The following PCSK6 variants were observed in gnomAD, a reference collection of about 807,000 sequenced individuals.
PCSK6 encodes paired basic amino acid cleaving enzyme 4.
A neutral mutation model predicts 123.3 loss-of-function variants in PCSK6; 85 were observed. The observed-to-expected ratio is 0.69, with a 90% CI of 0.58 to 0.83. PCSK6 has a LOEUF of 0.83. PCSK6 is among the 40% of genes least tolerant of loss of function. The pLI is 0.00. For missense variants in PCSK6, 1,191 were observed against 1,282.3 expected (o/e 0.93, Z 1.09); for synonymous variants, 508 against 516.0 (o/e 0.98, Z 0.21).
chr15:101,363,828 T>C (rs765721453), intron 13 of PCSK6, among the ~76,000 whole-genome samples: 10 of 151,198 alleles, frequency 6.6e-5, no homozygotes, highest in Non-Finnish European at 1.3e-4. Context: ...TTAGTAGAGA[T>C]GGGGTTTCAC....
intron 20 of PCSK6, chr15:101,308,571 G>T (rs2039776906): frequency 1.3e-5 from 2 of 152,202 alleles, no homozygotes; most frequent in Admixed American, 1.3e-4. Flanking sequence ...TCAAGCCCTT[G>T]GTCTGTAATT....
chr15:101,320,813 G>A (rs1008361037), intron 18 of PCSK6, among the ~76,000 whole-genome samples: 1 of 152,194 alleles, frequency 6.6e-6, no homozygotes, highest in African/African-American at 2.4e-5. Flanking sequence ...GGCAATAAAC[G>A]GAAGCTCTCT....
intron 1 of PCSK6, among the ~76,000 whole-genome samples, chr15:101,479,625 T>C (rs1023832893): frequency 6.6e-6 from 1 of 152,180 alleles, no homozygotes; most frequent in African/African-American, 2.4e-5. Flanking sequence ...GACATCTGGT[T>C]TCCCATCTGG....
intron 6 of PCSK6, among the ~76,000 whole-genome samples, chr15:101,417,423 A>C (rs2055926555): frequency 6.6e-6 from 1 of 152,228 alleles, no homozygotes; most frequent in South Asian, 2.1e-4. Flanking sequence ...AAAAGGCAGA[A>C]AATATACAGA....
chr15:101,378,208 T>A (rs1050758577), intron 11 of PCSK6, among the ~76,000 whole-genome samples: 1 of 152,250 alleles, frequency 6.6e-6, no homozygotes, highest in Non-Finnish European at 1.5e-5. Flanking sequence ...GATTTTAAAA[T>A]CATTTTGCAC....
chr15:101,364,965 C>T lies in PCSK6; in HGVS notation c.1858+1231G>A, dbSNP rs116852656. On this transcript the variant is annotated intron_variant, in intron 13 of 21. Transcript: ENST00000611716. ...ACTGACTCCAAGATAGATATACAGACCAATGGAACAGAATCGAGAGTGTGG... is the reference window on the plus strand; with the variant it reads ...ACTGACTCCAAGATAGATATACAGATCAATGGAACAGAATCGAGAGTGTGG... 2,351 of 776,922 alleles carry T rather than the reference C, an allele frequency of 3.0e-3. 14 individuals are homozygous for T. Among genetic ancestry groups the T allele is most frequent in the Middle Eastern group, 0.013 (58 of 4,430 alleles). The allele number at this position is 776,922 out of a possible 1,614,324, so 48.1% of individuals were successfully genotyped here.
chr15:101,483,165 C>A (rs760651478), intron 1 of PCSK6, among the ~76,000 whole-genome samples: 2 of 152,236 alleles, frequency 1.3e-5, no homozygotes, highest in African/African-American at 2.4e-5. Context: ...TCCCAGAGAA[C>A]TAGGTCACAG....
chr15:101,378,544 A>G (rs2041817638), intron 11 of PCSK6, among the ~76,000 whole-genome samples: 1 of 152,216 alleles, frequency 6.6e-6, no homozygotes, highest in Non-Finnish European at 1.5e-5. Context: ...AGACATCAAT[A>G]CCTCAGTTCT....
In PCSK6 at chr15:101,485,154, C is replaced by T. The variant is rs547133894; in HGVS notation, c.297+4220G>A. 1.4e-3 allele frequency among the ~76,000 whole-genome samples: 213 copies of T among 152,286 alleles called. 1 individual carries two copies. Among genetic ancestry groups the T allele is most frequent in the African/African-American group, 5.0e-3 (207 of 41,530 alleles). On this transcript the variant is annotated intron_variant, in intron 1 of 21. Coordinates refer to ENST00000611716, the MANE Select transcript of PCSK6 (RefSeq NM_002570.5). ...GGTGTGAAATGGTATCTCATCGTTG[C>T]CTAAATTGCAGTGCTCCAATAACCC...
At chr15:101,389,655 T>G in intron 8 of PCSK6, 91 bp from the exon 9 acceptor site, 1 of 959,688 alleles carries the variant, frequency 1.0e-6, no homozygotes. Flanking sequence ...TGCCACTAAC[T>G]GGCAAGCGTG....
At chr15:101,452,693 CA>C (rs1256656770) in intron 1 of PCSK6, among the ~76,000 whole-genome samples, 3 of 152,132 alleles carry the variant, frequency 2.0e-5, no homozygotes, top group Non-Finnish European at 2.9e-5. Flanking sequence ...TCAGTCCAGG[CA>C]GATAACCAGG....
chr15:101,353,021 G>A (rs1319509460), intron 13 of PCSK6, among the ~76,000 whole-genome samples: 1 of 152,222 alleles, frequency 6.6e-6, no homozygotes, highest in Non-Finnish European at 1.5e-5. Context: ...TGGGGATCCG[G>A]TGGGGAGCAG....
In PCSK6 at chr15:101,408,597, G is replaced by C. The variant is rs150740972; in HGVS notation, c.824-10021C>G. ...AGGGGCCTTGGATGTGTTGGGGGAGGTGAGGGACGAGGAAGTGGGGAACAC... is the reference window on the plus strand; with the variant it reads ...AGGGGCCTTGGATGTGTTGGGGGAGCTGAGGGACGAGGAAGTGGGGAACAC... On this transcript the variant is annotated intron_variant, in intron 6 of 21. Coordinates refer to ENST00000611716, the MANE Select transcript of PCSK6 (RefSeq NM_002570.5). 6.2e-3 allele frequency among the ~76,000 whole-genome samples: 938 copies of C among 152,352 alleles called. 6 individuals carry two copies. Among genetic ancestry groups the C allele is most frequent in the South Asian group, 0.026 (125 of 4,826 alleles).
rs576625176 is a variant in PCSK6 at position 101,445,646 on chromosome 15, G to A, written c.298-1986C>T. ...TTATTTAGCTACGGAGGCAATCACC[G>A]AGTCTCAACTTGCCGCAGTGTTTAA... is the stretch of plus-strand genomic sequence containing the variant. On this transcript the variant is annotated intron_variant, in intron 1 of 21. Transcript: ENST00000611716. 3.9e-5 allele frequency among the ~76,000 whole-genome samples: 6 copies of A among 152,306 alleles called. No homozygotes were observed. In the East Asian group the frequency reaches 7.7e-4, roughly 20 times the overall value.
chr15:101,356,469 G>A (rs1048579936), intron 13 of PCSK6, among the ~76,000 whole-genome samples: 1 of 144,292 alleles, frequency 6.9e-6, no homozygotes, highest in East Asian at 2.0e-4. Context: ...AGACCAGCCC[G>A]GCCAACATGG....
intron 2 of PCSK6, among the ~76,000 whole-genome samples, chr15:101,439,800 C>A (rs1050777943): frequency 5.9e-5 from 9 of 152,252 alleles, no homozygotes; most frequent in African/African-American, 2.2e-4. Flanking sequence ...CTGGTCCTTG[C>A]AATCATTTTG....
chr15:101,370,478 G>A lies in PCSK6; in HGVS notation c.1578C>T (p.Ser526=), dbSNP rs190254740. The A allele has an allele frequency of 1.2e-4, 181 of 1,544,572 alleles. 1 individual carries two copies. In the Admixed American group the frequency reaches 1.4e-3, roughly 12 times the overall value. ...VQVLRTTALT[S]ACAEHSDQRV... ...GCTGGTCCGAGTGCTCCGCGCAGGC[G>A]CTGGTCAGGGCCGTAGTCCGCAGCA... The change falls in exon 12 of 22, where the codon AGC becomes AGT. Residue 526 remains serine, a synonymous_variant. Coordinates refer to ENST00000611716, the MANE Select transcript of PCSK6 (RefSeq NM_002570.5).
chr15:101,323,731 G>GGA (rs2040185888), intron 17 of PCSK6, among the ~76,000 whole-genome samples: 1 of 128,266 alleles, frequency 7.8e-6, no homozygotes, highest in East Asian at 2.3e-4. Flanking sequence ...ACTCCATCTC[G>GGA]AAAAAAAAAA....
intron 20 of PCSK6, among the ~76,000 whole-genome samples, chr15:101,310,438 G>A (rs2039829593): frequency 6.6e-6 from 1 of 152,252 alleles, no homozygotes; most frequent in South Asian, 2.1e-4. Context: ...GAAATCCAGG[G>A]CATTTGACAA....
Sources: allele counts gnomAD v4.1 joint callset (sites outside exome capture counted in the v4.1 genomes callset), GRCh38; gene constraint gnomAD v4.1.1; transcripts MANE v1.5; gene names NCBI Gene and HGNC (gene_info 2026-07-23, HGNC 2026-07-21).